Variants in CORO7 observed in about 807,000 individuals in gnomAD.
CORO7 encodes coronin-7.
In CORO7, 107 loss-of-function variants were observed where a neutral mutation model predicts 126.6. That is an observed-to-expected ratio of 0.85 (90% CI 0.72 to 0.99). The LOEUF (loss-of-function observed/expected upper bound fraction) is 0.99, where lower values mean the gene tolerates loss of function less well. Ranked by LOEUF, CORO7 falls within the 50% of genes least tolerant of loss-of-function variation. CORO7 has a pLI of 0.00. For synonymous variants in CORO7, 603 were observed against 536.8 expected (o/e 1.12, Z -1.70); for missense variants, 1,314 against 1,255.8 (o/e 1.05, Z -0.70).
intron 9 of CORO7, among the ~76,000 whole-genome samples, chr16:4,386,612 C>T (rs2055202032): frequency 6.6e-6 from 1 of 152,174 alleles, no homozygotes; most frequent in Non-Finnish European, 1.5e-5. Context: ...ACTGACTCCT[C>T]CCTGAATCTC....
At chr16:4,407,809 T>C in intron 4 of CORO7, 125 bp from the exon 5 acceptor site, 1 of 1,253,426 alleles carries the variant, frequency 8.0e-7, no homozygotes, top group Non-Finnish European at 1.1e-6. Flanking sequence ...CACCTTGGCC[T>C]TGGGAGGAGC....
At chr16:4,382,216 C>T in intron 9 of CORO7, 1 of 1,604,632 alleles carries the variant, frequency 6.2e-7, no homozygotes, top group Non-Finnish European at 8.5e-7. Context: ...CCAGATGGGG[C>T]AGGGGACACG....
rs56983852 is a variant in CORO7 at position 4,416,560 on chromosome 16, G to C, written c.-42C>G. 729 of 1,570,378 alleles carry C rather than the reference G, an allele frequency of 4.6e-4. 4 individuals are homozygous for C. The African/African-American group carries it at 8.7e-3, about 19-fold the overall frequency. ...GCGGACGCGTCTTCGAGGACCCCGG[G>C]CGTCGGGTCTCAGGTGCACGCTGAG... On this transcript the variant is annotated 5_prime_UTR_variant, in exon 1 of 28. Coordinates refer to ENST00000251166, the MANE Select transcript of CORO7 (RefSeq NM_024535.5).
intron 2 of CORO7, 47 bp from the exon 3 acceptor site, chr16:4,412,477 C>A: frequency 6.2e-7 from 1 of 1,601,026 alleles, no homozygotes; most frequent in Admixed American, 1.7e-5. Flanking sequence ...CACAGGGCCA[C>A]CCACCTCCTT....
intron 16 of CORO7, 173 bp from the exon 17 acceptor site, chr16:4,361,642 C>T: frequency 1.2e-6 from 1 of 854,318 alleles, no homozygotes; most frequent in Non-Finnish European, 1.9e-6. Flanking sequence ...CCCCAAGTGC[C>T]AACCACAAGG....
At chr16:4,357,934 C>A (rs1397941786) in intron 25 of CORO7, 34 bp downstream of exon 25, 1 of 1,576,168 alleles carries the variant, frequency 6.3e-7, no homozygotes, top group Non-Finnish European at 8.7e-7. Context: ...AACCCCCATC[C>A]CGCTTCCTCC....
chr16:4,360,510 C>T lies in CORO7; in HGVS notation c.1956G>A (p.Leu652=), dbSNP rs1395290503. The change falls in exon 20 of 28, where the codon CTG becomes CTA. Residue 652 remains leucine, a synonymous_variant. Transcript: ENST00000251166. ...CACGCCCATCCTTGCAGACAGTGGC[C>T]AGCTGCTGCCCATCAGGACTCCAGG... ...SLAWSPDGQQ[L]ATVCKDGRVR... is the part of the protein sequence containing the mutation. The T allele has an allele frequency of 1.9e-6, 3 of 1,611,120 alleles. No individual in the cohort carries two copies. The highest frequency in any genetic ancestry group is 1.7e-6 in the Non-Finnish European group (2 of 1,179,220).
chr16:4,361,786 G>A (rs181124641), intron 16 of CORO7, 199 bp downstream of exon 16: 3 of 946,156 alleles, frequency 3.2e-6, no homozygotes, highest in African/African-American at 3.2e-5. Context: ...AAACCTCTCT[G>A]TGCCTCTTCT....
At chr16:4,365,210 G>T in intron 10 of CORO7, 150 bp from the exon 11 acceptor site, 1 of 1,331,738 alleles carries the variant, frequency 7.5e-7, no homozygotes, top group Non-Finnish European at 1.0e-6. Flanking sequence ...TGGGCGCTGA[G>T]CTGAGCCCTA....
intron 25 of CORO7, 92 bp from the exon 26 acceptor site, chr16:4,357,351 CTTT>C: frequency 1.0e-6 from 1 of 958,306 alleles, no homozygotes; most frequent in Non-Finnish European, 1.4e-6. Context: ...TCTTTTCTTT[CTTT>C]CTTTTTTTTT....
At chr16:4,373,813 C>T (rs560698481) in intron 9 of CORO7, among the ~76,000 whole-genome samples, 6 of 152,276 alleles carry the variant, frequency 3.9e-5, no homozygotes, top group Admixed American at 6.5e-5. Context: ...CCCACCTCAG[C>T]AGGCCAGACA....
intron 26 of CORO7, 86 bp from the exon 27 acceptor site, chr16:4,355,458 G>T: frequency 2.2e-6 from 3 of 1,381,700 alleles, no homozygotes; most frequent in Non-Finnish European, 1.9e-6. Context: ...TGACAAGGCT[G>T]TGAAAAGAAC....
chr16:4,390,492 G>C (rs747914342), intron 7 of CORO7, among the ~76,000 whole-genome samples: 5 of 152,218 alleles, frequency 3.3e-5, no homozygotes, highest in Non-Finnish European at 5.9e-5. Context: ...AGGCTGGGAG[G>C]GTTGATAGGC....
At chr16:4,382,515 C>T (rs372383118) in intron 9 of CORO7, 17 of 1,592,032 alleles carry the variant, frequency 1.1e-5, no homozygotes, top group South Asian at 3.4e-5. Context: ...TGCCGGAGGG[C>T]GAGGAGGCCT....
intron 23 of CORO7, chr16:4,359,095 T>C (rs76494979): frequency 0.019 from 12,030 of 630,888 alleles, 171 homozygotes; most frequent in Middle Eastern, 0.029. Flanking sequence ...TAATAATGGT[T>C]GAGTATGACA....
chr16:4,359,690 C>T lies in CORO7; in HGVS notation c.2109-69G>A. On this transcript the variant is annotated intron_variant, in intron 21 of 27. Coordinates refer to ENST00000251166, the MANE Select transcript of CORO7 (RefSeq NM_024535.5). ...AGGGGCCTGGGGCAGGGAGAAGGCGCCCACGTAGCCCCTGCTCTGTTCTGG... is the reference window on the plus strand; with the variant it reads ...AGGGGCCTGGGGCAGGGAGAAGGCGTCCACGTAGCCCCTGCTCTGTTCTGG... The T allele has an allele frequency of 3.3e-6, 5 of 1,517,310 alleles. No homozygotes were observed. In the South Asian group the frequency reaches 6.5e-5, roughly 20 times the overall value. 94.0% of individuals were successfully genotyped at this position (1,517,310 alleles called of 1,614,324 possible).
At position 4,404,135 on chromosome 16, in the gene CORO7, A is replaced by G. The variant is rs79986943; in HGVS notation, c.564+1356T>C. 8.5e-3 allele frequency among the ~76,000 whole-genome samples: 1,294 copies of G among 152,342 alleles called. 11 individuals carry two copies. Among genetic ancestry groups the G allele is most frequent in the Middle Eastern group, 0.031 (9 of 294 alleles). ...AGAGTACAGAAAAGAAAGTTAGACT[A>G]GGGTCCCTCCAAGTATGCAGAGCCC... On this transcript the variant is annotated intron_variant, in intron 6 of 27. Transcript: ENST00000251166.
rs2055251464 is a variant in CORO7, at chr16:4,387,966, C to A, written c.785+20G>T. 2 of 1,612,064 alleles carry A rather than the reference C, an allele frequency of 1.2e-6. No individual in the cohort carries two copies. Among genetic ancestry groups the A allele is most frequent in the Admixed American group, 3.3e-5 (2 of 59,922 alleles). On this transcript the variant is annotated intron_variant, in intron 9 of 27. Coordinates refer to ENST00000251166, the MANE Select transcript of CORO7 (RefSeq NM_024535.5). Reference sequence around the variant, plus strand: ...TTGGGTCATCAGCCCCCCAGCCCACCTGCGTGCCGCAGCTCCTACCCAAGC... The same window carrying A: ...TTGGGTCATCAGCCCCCCAGCCCACATGCGTGCCGCAGCTCCTACCCAAGC...
intron 9 of CORO7, among the ~76,000 whole-genome samples, chr16:4,373,883 C>A (rs1313029103): frequency 6.6e-6 from 1 of 152,068 alleles, no homozygotes; most frequent in Non-Finnish European, 1.5e-5. Flanking sequence ...GGATGGCTAT[C>A]CCTGACCACT....
Sources: allele counts gnomAD v4.1 joint callset (sites outside exome capture counted in the v4.1 genomes callset), GRCh38; gene constraint gnomAD v4.1.1; transcripts MANE v1.5; gene names NCBI Gene and HGNC (gene_info 2026-07-23, HGNC 2026-07-21).